PARN: variants seen among roughly 807,000 people sequenced by gnomAD.
The protein encoded by PARN is poly(A)-specific ribonuclease PARN.
PARN carries 71 observed loss-of-function variants against 102.8 expected under a neutral mutation model. The observed-to-expected ratio is 0.69, with a 90% CI of 0.57 to 0.84. PARN has a LOEUF of 0.84. PARN is among the 40% of genes least tolerant of loss of function. The pLI, the probability that PARN is intolerant of heterozygous loss-of-function variation, is 0.00. For synonymous variants in PARN, 261 were observed against 252.9 expected, an observed-to-expected ratio of 1.03 and a Z score of -0.30; for missense variants, 782 against 760.9, an observed-to-expected ratio of 1.03 and a Z score of -0.33.
chr16:14,499,392 C>T (rs111298719), intron 21 of PARN, among the ~76,000 whole-genome samples: 4 of 152,100 alleles, frequency 2.6e-5, no homozygotes, highest in African/African-American at 4.8e-5. Context: ...TCAGGGAGAG[C>T]GAACTTTTCC....
intron 22 of PARN, among the ~76,000 whole-genome samples, chr16:14,450,111 G>C (rs947163592): frequency 1.3e-4 from 20 of 152,182 alleles, no homozygotes; most frequent in Non-Finnish European, 1.2e-4. Context: ...TACAATCAAT[G>C]AACTACTAAG....
At chr16:14,577,665 ACATTT>A (rs1417442930) in intron 18 of PARN, among the ~76,000 whole-genome samples, 1 of 151,762 alleles carries the variant, frequency 6.6e-6, no homozygotes, top group African/African-American at 2.4e-5. Flanking sequence ...TTACTTACTT[ACATTT>A]ATTTATTTAT....
intron 5 of PARN, among the ~76,000 whole-genome samples, chr16:14,620,802 G>C (rs1010821922): frequency 1.3e-5 from 2 of 152,158 alleles, no homozygotes; most frequent in African/African-American, 4.8e-5. Flanking sequence ...CGGAATGACT[G>C]TGTTTCCCTC....
chr16:14,606,280 A>T (rs1193375435), intron 10 of PARN, among the ~76,000 whole-genome samples: 1 of 152,012 alleles, frequency 6.6e-6, no homozygotes, highest in Non-Finnish European at 1.5e-5. Flanking sequence ...ACGAGCCTGT[A>T]GTCCCAGCTT....
Position 14,599,976 on chromosome 16 carries a change from T to C in PARN, c.784-16A>G. The C allele has an allele frequency of 7.1e-7, 1 of 1,400,856 alleles. No homozygotes were observed. The highest frequency in any genetic ancestry group is 9.9e-7 in the Non-Finnish European group (1 of 1,005,562). 86.8% of individuals were successfully genotyped at this position (1,400,856 alleles called of 1,614,324 possible). A position where few individuals can be genotyped will look rare whatever the true frequency, so the allele number is the denominator to read the frequency against. ...TCAGCTCCTCCTAATTAAAAAAATA[T>C]ATACATATGTATTATTGATGTATAA... On this transcript the variant is annotated splice_polypyrimidine_tract_variant and intron_variant, in intron 11 of 23. Transcript: ENST00000437198.
intron 5 of PARN, 86 bp downstream of exon 5, chr16:14,627,020 T>G: frequency 1.3e-6 from 1 of 793,198 alleles, no homozygotes; most frequent in Non-Finnish European, 2.2e-6. Flanking sequence ...AAGCCCAAAG[T>G]TAATAGAGAA....
At chr16:14,502,384 T>C (rs577247966) in intron 21 of PARN, among the ~76,000 whole-genome samples, 4 of 152,332 alleles carry the variant, frequency 2.6e-5, no homozygotes, top group African/African-American at 9.6e-5. Context: ...AGGAAGACGA[T>C]GGCTTGCATG....
chr16:14,617,671 C>T, intron 5 of PARN, 21 bp from the exon 6 acceptor site: 1 of 1,504,608 alleles, frequency 6.6e-7, no homozygotes, highest in African/African-American at 1.4e-5. Flanking sequence ...GTAAACAGAA[C>T]ACATGTTTTG....
At chr16:14,621,393 A>T (rs1032918241) in intron 5 of PARN, among the ~76,000 whole-genome samples, 1 of 152,186 alleles carries the variant, frequency 6.6e-6, no homozygotes, top group Non-Finnish European at 1.5e-5. Context: ...TTATTTTCTA[A>T]TCAAAACAAC....
chr16:14,579,028 C>A (rs1969338875), intron 18 of PARN, among the ~76,000 whole-genome samples: 1 of 151,864 alleles, frequency 6.6e-6, no homozygotes, highest in Admixed American at 6.6e-5. Flanking sequence ...ACTCTGTTGC[C>A]CAGGCTGGAG....
intron 22 of PARN, among the ~76,000 whole-genome samples, chr16:14,472,996 AAGT>A (rs1372789369): frequency 1.3e-5 from 2 of 152,250 alleles, no homozygotes; most frequent in African/African-American, 4.8e-5. Context: ...TAGATACAAA[AAGT>A]AGTAAATATT....
intron 13 of PARN, among the ~76,000 whole-genome samples, chr16:14,592,715 A>C (rs1191744113): frequency 1.3e-5 from 2 of 152,214 alleles, no homozygotes; most frequent in African/African-American, 2.4e-5. Flanking sequence ...AGCAGGACCA[A>C]ACTAGCAGCC....
At chr16:14,614,577 C>A (rs1971750151) in intron 6 of PARN, among the ~76,000 whole-genome samples, 1 of 152,060 alleles carries the variant, frequency 6.6e-6, no homozygotes. Flanking sequence ...AGGGGCCAGG[C>A]ACGGTGATCA....
chr16:14,571,230 A>C (rs1318520399), intron 18 of PARN, among the ~76,000 whole-genome samples: 1 of 151,946 alleles, frequency 6.6e-6, no homozygotes, highest in Non-Finnish European at 1.5e-5. Flanking sequence ...CCAAAAATAC[A>C]AAAATTAGCT....
chr16:14,444,519 CTATTA>C (rs1961103997), intron 23 of PARN, among the ~76,000 whole-genome samples: 1 of 151,930 alleles, frequency 6.6e-6, no homozygotes, highest in African/African-American at 2.4e-5. Context: ...TTAATGCAGT[CTATTA>C]TTAGTTATTT....
chr16:14,603,313 T>C (rs767121809), intron 11 of PARN, among the ~76,000 whole-genome samples: 16 of 152,154 alleles, frequency 1.1e-4, no homozygotes, highest in Non-Finnish European at 2.4e-4. Context: ...AATCTTTCCC[T>C]GTGTAGGTAA....
rs1015635077 is a variant in PARN at position 14,436,744 on chromosome 16, T to G, written c.1893A>C (p.Thr631=). 6.3e-7 allele frequency: 1 copy of G among 1,598,936 alleles called. No individual in the cohort carries two copies. Among genetic ancestry groups the G allele is most frequent in the African/African-American group, 1.3e-5 (1 of 74,584 alleles). Residue 631 remains threonine (T), a synonymous_variant, in exon 24 of 24, where the codon ACA becomes ACC. Coordinates refer to ENST00000437198, the MANE Select transcript of PARN (RefSeq NM_002582.4). ...ACCATGTGTCAGGAACTTCAAAGAG[T>G]GTGGCAGGGCTGTTCTTCGAGATGC... ...AGSISKNSPA[T]LFEVPDTW
At chr16:14,550,380 C>G (rs1567374373) in intron 21 of PARN, among the ~76,000 whole-genome samples, 1 of 152,166 alleles carries the variant, frequency 6.6e-6, no homozygotes. Flanking sequence ...ATTAAAGAAC[C>G]ACAGTAAAAG....
intron 5 of PARN, 68 bp downstream of exon 5, chr16:14,627,038 C>T (rs1972715814): frequency 3.3e-6 from 3 of 916,122 alleles, no homozygotes; most frequent in South Asian, 2.9e-5. Context: ...GAACCAAATT[C>T]TGATTTCACA....
Sources: gnomAD v4.1 joint callset for allele counts (sites outside exome capture counted in the v4.1 genomes callset) on GRCh38, gnomAD v4.1.1 for gene constraint, MANE v1.5 for transcripts, NCBI Gene and HGNC (gene_info 2026-07-23, HGNC 2026-07-21) for gene names.